Variants in CSMD3 observed in about 807,000 individuals in gnomAD.
CSMD3 encodes the protein CUB and Sushi multiple domains 3, also known as CUB and sushi domain-containing protein 3.
In CSMD3, 177 loss-of-function variants were observed where a neutral mutation model predicts 435.2. That is an observed-to-expected ratio of 0.41 (90% CI 0.36 to 0.46). The LOEUF is 0.46. Ranked by LOEUF, CSMD3 falls within the 20% of genes least tolerant of loss-of-function variation. The pLI is 0.34. For missense variants in CSMD3, 4,265 were observed against 4,504.6 expected, an observed-to-expected ratio of 0.95 and a Z score of 1.52; for synonymous variants, 1,656 against 1,520.5, an observed-to-expected ratio of 1.09 and a Z score of -2.07.
At chr8:113,206,835 C>A (rs1372091528) in intron 3 of CSMD3, among the ~76,000 whole-genome samples, 1 of 152,240 alleles carries the variant, frequency 6.6e-6, no homozygotes, top group African/African-American at 2.4e-5. Context: ...AATTCCACAC[C>A]TTTTCTTTTC....
chr8:112,622,527 C>A (rs1381209598), intron 22 of CSMD3, among the ~76,000 whole-genome samples: 1 of 152,084 alleles, frequency 6.6e-6, no homozygotes, highest in Non-Finnish European at 1.5e-5. Context: ...TTTGTCCAGT[C>A]CTTATCTTCT....
chr8:112,877,605 C>A (rs755388702), intron 10 of CSMD3, among the ~76,000 whole-genome samples: 1 of 152,072 alleles, frequency 6.6e-6, no homozygotes, highest in South Asian at 2.1e-4. Context: ...GTCCATATAG[C>A]CAAGACAATC....
chr8:112,227,352 T>C (rs1586449328), intron 70 of CSMD3, among the ~76,000 whole-genome samples: 2 of 152,128 alleles, frequency 1.3e-5, no homozygotes, highest in East Asian at 3.9e-4. Flanking sequence ...ACGTAAAAAA[T>C]ATGCAGAATA....
At chr8:113,323,580 A>G (rs1165386847) in intron 1 of CSMD3, among the ~76,000 whole-genome samples, 1 of 152,228 alleles carries the variant, frequency 6.6e-6, no homozygotes, top group African/African-American at 2.4e-5. Flanking sequence ...TTCATAAATT[A>G]ACAACATGAA....
chr8:112,744,504 C>T (rs1246828008), intron 13 of CSMD3, among the ~76,000 whole-genome samples: 3 of 151,740 alleles, frequency 2.0e-5, no homozygotes, highest in South Asian at 2.1e-4. Context: ...ATATAAAATA[C>T]CTATTTTATA....
intron 1 of CSMD3, among the ~76,000 whole-genome samples, chr8:113,358,232 T>A (rs1229483788): frequency 6.6e-6 from 1 of 152,232 alleles, no homozygotes; most frequent in East Asian, 1.9e-4. Context: ...ACAACTAAAT[T>A]ATTTCTCTAG....
chr8:113,107,101 C>A (rs2131582666), intron 4 of CSMD3, among the ~76,000 whole-genome samples: 1 of 152,264 alleles, frequency 6.6e-6, no homozygotes, highest in South Asian at 2.1e-4. Flanking sequence ...TTTGCCTATT[C>A]TGAACATCTC....
At chr8:112,286,325 A>G (rs1464534408) in intron 58 of CSMD3, among the ~76,000 whole-genome samples, 1 of 152,118 alleles carries the variant, frequency 6.6e-6, no homozygotes, top group Non-Finnish European at 1.5e-5. Flanking sequence ...ATGGTCTAAA[A>G]ATAATATATG....
intron 32 of CSMD3, among the ~76,000 whole-genome samples, chr8:112,465,859 C>G (rs1817899448): frequency 1.3e-5 from 2 of 151,640 alleles, no homozygotes; most frequent in Admixed American, 1.3e-4. Context: ...CCTATAATCC[C>G]AGCCACTTGG....
intron 4 of CSMD3, among the ~76,000 whole-genome samples, chr8:113,110,659 T>C (rs950901063): frequency 3.9e-5 from 6 of 152,180 alleles, no homozygotes; most frequent in Non-Finnish European, 8.8e-5. Context: ...TCACCAAGAT[T>C]GCCCTTAATG....
At chr8:113,278,926 C>T (rs2093592367) in intron 2 of CSMD3, among the ~76,000 whole-genome samples, 1 of 151,642 alleles carries the variant, frequency 6.6e-6, no homozygotes, top group Non-Finnish European at 1.5e-5. Flanking sequence ...GTTTAAGCTA[C>T]TAAGTTTGTG....
chr8:112,969,590 C>A (rs1217949650), intron 7 of CSMD3, among the ~76,000 whole-genome samples: 1 of 151,954 alleles, frequency 6.6e-6, no homozygotes, highest in African/African-American at 2.4e-5. Flanking sequence ...ATAAAAACCT[C>A]ATAACATATA....
At chr8:112,350,322 G>A (rs575845058) in intron 40 of CSMD3, among the ~76,000 whole-genome samples, 1 of 140,370 alleles carries the variant, frequency 7.1e-6, no homozygotes, top group East Asian at 2.1e-4. Flanking sequence ...AACTCAGAAA[G>A]AGATATCTTC....
intron 62 of CSMD3, among the ~76,000 whole-genome samples, chr8:112,255,004 G>A (rs1815643468): frequency 6.6e-6 from 1 of 151,988 alleles, no homozygotes; most frequent in Non-Finnish European, 1.5e-5. Context: ...CTACCTGAAA[G>A]TATTTTTATT....
At chr8:112,919,338 G>A (rs972462761) in intron 10 of CSMD3, among the ~76,000 whole-genome samples, 1 of 151,310 alleles carries the variant, frequency 6.6e-6, no homozygotes, top group African/African-American at 2.4e-5. Context: ...TGCTCTTTGT[G>A]CCATGGGGTT....
chr8:113,256,487 T>C (rs1436446146), intron 3 of CSMD3, among the ~76,000 whole-genome samples: 1 of 152,208 alleles, frequency 6.6e-6, no homozygotes, highest in African/African-American at 2.4e-5. Flanking sequence ...TTTTACAATG[T>C]GCTCACTAGG....
intron 10 of CSMD3, among the ~76,000 whole-genome samples, chr8:112,893,898 A>G (rs909592326): frequency 4.0e-5 from 6 of 151,434 alleles, no homozygotes; most frequent in African/African-American, 4.8e-5. Context: ...ATGAAAGGTC[A>G]AGGCCTGAAA....
chr8:112,354,850 T>C (rs1454348867), intron 38 of CSMD3, among the ~76,000 whole-genome samples: 4 of 152,160 alleles, frequency 2.6e-5, no homozygotes, highest in Non-Finnish European at 5.9e-5. Context: ...AAAAAAACTG[T>C]GCTAAAATTC....
At chr8:112,714,708 AAT>A (rs2076685006) in intron 13 of CSMD3, among the ~76,000 whole-genome samples, 1 of 152,334 alleles carries the variant, frequency 6.6e-6, no homozygotes, top group East Asian at 1.9e-4. Flanking sequence ...AAAAAGCTGA[AAT>A]AATAAAAAAC....
Sources: allele counts gnomAD v4.1 joint callset (sites outside exome capture counted in the v4.1 genomes callset), GRCh38; gene constraint gnomAD v4.1.1; transcripts MANE v1.5; gene names NCBI Gene and HGNC (gene_info 2026-07-23, HGNC 2026-07-21).